Variants in NAT10 observed in about 807,000 individuals in gnomAD.
NAT10 encodes N-acetyltransferase 10.
NAT10 carries 109 observed loss-of-function variants against 132.2 expected under a neutral mutation model. The observed-to-expected ratio is 0.82, with a 90% CI of 0.71 to 0.97. The LOEUF (loss-of-function observed/expected upper bound fraction) is 0.97, where lower values mean the gene tolerates loss of function less well. Ranked by LOEUF, NAT10 falls within the 50% of genes least tolerant of loss-of-function variation. The pLI is 0.00. For synonymous variants in NAT10, 479 were observed against 478.0 expected, an observed-to-expected ratio of 1.00 and a Z score of -0.03; for missense variants, 1,184 against 1,263.4, an observed-to-expected ratio of 0.94 and a Z score of 0.95.
In NAT10 at chr11:34,131,690, C is replaced by CT. The variant is rs372631421; in HGVS notation, c.1520+173dup. 7.8e-3 allele frequency among the ~76,000 whole-genome samples: 966 copies of CT among 123,774 alleles called. 6 individuals are homozygous for CT. The highest frequency in any genetic ancestry group is 0.012 in the African/African-American group (410 of 33,466). 81.2% of individuals were successfully genotyped at this position (123,774 alleles called of 152,430 possible). A position where few individuals can be genotyped will look rare whatever the true frequency, so the allele number is the denominator to read the frequency against. On this transcript the variant is annotated intron_variant, in intron 14 of 28. Transcript: ENST00000257829. ...TTCTCTTCCTTTTTTTTTTTTCTTT[C>CT]TTTTTTTTTTTTTTGAGATGGAGTC...
chr11:34,133,089 CCTCCCGT>C lies in NAT10; in HGVS notation c.1682_1688del (p.Pro561ArgfsTer29), dbSNP rs1481923656. On this transcript the variant is annotated frameshift_variant, in exon 16 of 29. Transcript: ENST00000257829. LOFTEE classifies it high-confidence loss of function. ...TGCTCACCATCTCTTCTGCCTTCTG[CCTCCCGT>C]GCCCCCCACCCAGAATGCCCTTCCA... The C allele has an allele frequency of 4.3e-6, 7 of 1,614,182 alleles. No homozygotes were observed. The highest frequency in any genetic ancestry group is 1.7e-5 in the Admixed American group (1 of 60,022).
In NAT10 at chr11:34,141,218, G is replaced by T; in HGVS notation, c.2712+10G>T. The T allele has an allele frequency of 6.2e-7, 1 of 1,613,932 alleles. No individual in the cohort carries two copies. Among genetic ancestry groups the T allele is most frequent in the Non-Finnish European group, 8.5e-7 (1 of 1,179,968 alleles). ...CCGCAAAGTTGTGAAGGTAACCTCA[G>T]CCTGAGGGCAGGGGCTTGATGTCTC... On this transcript the variant is annotated intron_variant, in intron 25 of 28. Coordinates refer to ENST00000257829, the MANE Select transcript of NAT10 (RefSeq NM_024662.3).
Position 34,130,846 on chromosome 11 carries a change from G to C in NAT10, c.1278G>C (p.Lys426Asn). The C allele has an allele frequency of 6.2e-7, 1 of 1,614,186 alleles. No homozygotes were observed. Among genetic ancestry groups the C allele is most frequent in the Non-Finnish European group, 8.5e-7 (1 of 1,180,014 alleles). ...YEGTGRSLSL[K>N]LIQQLRQQSA... Reference sequence around the variant, plus strand: ...GCACTGGCCGGTCACTGTCCCTCAAGCTAATTCAGCAGCTCCGTCAACAGA... The same window carrying C: ...GCACTGGCCGGTCACTGTCCCTCAACCTAATTCAGCAGCTCCGTCAACAGA... The change falls in exon 13 of 29, where the codon AAG becomes AAC. Residue 426 changes from lysine to asparagine, a missense_variant. Transcript: ENST00000257829.
intron 24 of NAT10, 142 bp downstream of exon 24, chr11:34,140,714 C>A: frequency 9.9e-7 from 1 of 1,014,458 alleles, no homozygotes; most frequent in Non-Finnish European, 1.4e-6. Flanking sequence ...CATCCTCATT[C>A]TACAGGTCAG....
intron 19 of NAT10, among the ~76,000 whole-genome samples, chr11:34,136,420 C>A (rs1852213991): frequency 6.6e-6 from 1 of 152,196 alleles, no homozygotes; most frequent in Non-Finnish European, 1.5e-5. Flanking sequence ...TGTCTTCCTG[C>A]ATTCTAGAGG....
At chr11:34,140,955 G>A in intron 24 of NAT10, 134 bp from the exon 25 acceptor site, 1 of 1,204,124 alleles carries the variant, frequency 8.3e-7, no homozygotes, top group South Asian at 1.5e-5. Flanking sequence ...TGAAAGAGAA[G>A]ATGCCAATAT....
chr11:34,131,795 C>T (rs1450815645), intron 14 of NAT10, among the ~76,000 whole-genome samples: 6 of 150,980 alleles, frequency 4.0e-5, no homozygotes, highest in Non-Finnish European at 5.9e-5. Flanking sequence ...AAGTGATTCT[C>T]CTGCCTCAGC....
Position 34,146,394 on chromosome 11 carries a change from G to C in NAT10, c.*202G>C. The C allele has an allele frequency of 2.1e-6, 1 of 479,168 alleles. No individual in the cohort carries two copies. Among genetic ancestry groups the C allele is most frequent in the Non-Finnish European group, 3.7e-6 (1 of 269,442 alleles). The allele number at this position is 479,168 out of a possible 1,614,324, so 29.7% of individuals were successfully genotyped here. A position where few individuals can be genotyped will look rare whatever the true frequency, so the allele number is the denominator to read the frequency against. ...TCCCAAATGGGTCTCTTTAGAACTT[G>C]ATGGCTGGGCACTGCCATCTCTAGA... On this transcript the variant is annotated 3_prime_UTR_variant, in exon 29 of 29. Transcript: ENST00000257829.
At position 34,133,052 on chromosome 11, in the gene NAT10, C is replaced by T. The variant is rs1326050187; in HGVS notation, c.1644C>T (p.Leu548=). 1.2e-6 allele frequency: 2 copies of T among 1,614,004 alleles called. No individual in the cohort carries two copies. Among genetic ancestry groups the T allele is most frequent in the Non-Finnish European group, 8.5e-7 (1 of 1,179,986 alleles). Residue 548 remains leucine (L), a synonymous_variant, in exon 16 of 29, where the codon CTC becomes CTT. Coordinates refer to ENST00000257829, the MANE Select transcript of NAT10 (RefSeq NM_024662.3). ...ACTCTCCCAATGATCTCCAGATGCT[C>T]TCCGATGCACCTGCTCACCATCTCT... ...YKNSPNDLQM[L]SDAPAHHLFC... is the part of the protein sequence containing the mutation.
chr11:34,132,189 C>G lies in NAT10; in HGVS notation c.1585C>G (p.Leu529Val), dbSNP rs981911173. Residue 529 changes from leucine to valine, a missense_variant, in exon 15 of 29, where the codon CTT becomes GTT. Leu to Val is a conservative substitution (Grantham distance 32). Coordinates refer to ENST00000257829, the MANE Select transcript of NAT10 (RefSeq NM_024662.3). ...GGCCTCTGAAGTTTTCCTCCAACGG[C>G]TTATGGCCCTCTACGTGGCTTCTCA... ...HKASEVFLQRLMALYVASHYK... is the reference protein window; with the variant it reads ...HKASEVFLQRVMALYVASHYK... 1.2e-6 allele frequency: 2 copies of G among 1,614,150 alleles called. No homozygotes were observed. Among genetic ancestry groups the G allele is most frequent in the South Asian group, 2.2e-5 (2 of 91,084 alleles).
rs771235436 is a variant in NAT10 at position 34,120,143 on chromosome 11, G to GTTT, written c.780+1658_780+1660dup. 8.1e-4 allele frequency among the ~76,000 whole-genome samples: 76 copies of GTTT among 94,126 alleles called. 2 individuals carry two copies. The highest frequency in any genetic ancestry group is 9.2e-4 in the African/African-American group (21 of 22,760). The allele number at this position is 94,126 out of a possible 152,430, so 61.8% of individuals were successfully genotyped here. On this transcript the variant is annotated intron_variant, in intron 8 of 28. Transcript: ENST00000257829. ...TTTGTTGTTGTTGTTGTTGCTGTTG[G>GTTT]TTTTTTTTTTTTTTTTTTTTGGTGA...
intron 2 of NAT10, 34 bp from the exon 3 acceptor site, chr11:34,108,708 G>C (rs1851639629): frequency 6.3e-7 from 1 of 1,585,290 alleles, no homozygotes; most frequent in South Asian, 1.1e-5. Flanking sequence ...AGTCTCTTTT[G>C]TGCCTGAAAT....
intron 8 of NAT10, among the ~76,000 whole-genome samples, chr11:34,118,738 AATT>A (rs1355714606): frequency 3.3e-5 from 5 of 152,038 alleles, no homozygotes; most frequent in Middle Eastern, 6.8e-3. Flanking sequence ...AGAGCAGATG[AATT>A]ATTATTATTA....
chr11:34,141,839 C>T (rs376708954), intron 26 of NAT10, 22 bp downstream of exon 26: 44 of 1,596,994 alleles, frequency 2.8e-5, no homozygotes, highest in Middle Eastern at 3.9e-4. Context: ...CTCATGGCCT[C>T]GGGAGTCCCA....
At chr11:34,137,368 T>G (rs1590780036) in intron 21 of NAT10, among the ~76,000 whole-genome samples, 1 of 152,018 alleles carries the variant, frequency 6.6e-6, no homozygotes, top group South Asian at 2.1e-4. Flanking sequence ...GTGTTGGAGG[T>G]GCTGTCGGAG....
At chr11:34,113,177 TGTA>T (rs769660142) in intron 4 of NAT10, among the ~76,000 whole-genome samples, 6 of 152,206 alleles carry the variant, frequency 3.9e-5, no homozygotes, top group Non-Finnish European at 8.8e-5. Context: ...AGCTCCCCCA[TGTA>T]GTATAGTTTT....
chr11:34,109,723 A>G (rs1379656810), intron 3 of NAT10, among the ~76,000 whole-genome samples: 2 of 152,220 alleles, frequency 1.3e-5, no homozygotes, highest in Admixed American at 1.3e-4. Flanking sequence ...CTGGAATCCA[A>G]GGGGATAAGA....
intron 8 of NAT10, among the ~76,000 whole-genome samples, chr11:34,121,992 A>G (rs931332224): frequency 3.9e-5 from 6 of 151,964 alleles, no homozygotes; most frequent in African/African-American, 9.7e-5. Flanking sequence ...CCTGCCCAAC[A>G]TGGTGAAACC....
At chr11:34,120,715 G>C (rs1367840807) in intron 8 of NAT10, among the ~76,000 whole-genome samples, 1 of 152,212 alleles carries the variant, frequency 6.6e-6, no homozygotes, top group African/African-American at 2.4e-5. Flanking sequence ...AGTGAGATGA[G>C]ACAGTCAGTA....
Sources: gnomAD v4.1 joint callset for allele counts (sites outside exome capture counted in the v4.1 genomes callset) on GRCh38, gnomAD v4.1.1 for gene constraint, MANE v1.5 for transcripts, NCBI Gene and HGNC (gene_info 2026-07-23, HGNC 2026-07-21) for gene names.